The following KCNIP4 variants were observed in gnomAD, a reference collection of about 807,000 sequenced individuals.
KCNIP4 encodes Kv channel-interacting protein 4.
KCNIP4 carries 12 observed loss-of-function variants against 34.0 expected under a neutral mutation model. That is an observed-to-expected ratio of 0.35 (90% CI 0.23 to 0.57). The LOEUF (loss-of-function observed/expected upper bound fraction) is 0.57, where lower values mean the gene tolerates loss of function less well. Ranked by LOEUF, KCNIP4 falls within the 20% of genes least tolerant of loss-of-function variation. The pLI is 0.83. For missense variants in KCNIP4, 238 were observed against 311.7 expected (o/e 0.76, Z 1.78); for synonymous variants, 124 against 102.2 (o/e 1.21, Z -1.29).
At chr4:20,889,760 G>T (rs1725706702) in intron 1 of KCNIP4, among the ~76,000 whole-genome samples, 1 of 134,356 alleles carries the variant, frequency 7.4e-6, no homozygotes, top group African/African-American at 2.9e-5. Context: ...AATAAAAACT[G>T]GAAGTTCAAA....
intron 1 of KCNIP4, among the ~76,000 whole-genome samples, chr4:21,294,310 C>G (rs888588763): frequency 2.6e-5 from 4 of 152,064 alleles, no homozygotes; most frequent in African/African-American, 7.2e-5. Flanking sequence ...CATTATGTAC[C>G]TTCAACAACA....
chr4:21,850,866 A>G (rs1269249139), intron 1 of KCNIP4: 3 of 152,034 alleles, frequency 2.0e-5, no homozygotes, highest in African/African-American at 7.2e-5. Context: ...TCCCTCATTA[A>G]CCGTGCACTC....
At chr4:21,624,362 A>G (rs1174064646) in intron 1 of KCNIP4, among the ~76,000 whole-genome samples, 1 of 152,178 alleles carries the variant, frequency 6.6e-6, no homozygotes, top group Non-Finnish European at 1.5e-5. Context: ...AAACTACAGT[A>G]TTACCAGTCA....
At chr4:21,086,443 A>C (rs1746439492) in intron 1 of KCNIP4, among the ~76,000 whole-genome samples, 1 of 152,206 alleles carries the variant, frequency 6.6e-6, no homozygotes, top group South Asian at 2.1e-4. Context: ...TTTTTAAATA[A>C]AATTTAAAAT....
At chr4:20,961,815 A>G (rs1406349409) in intron 1 of KCNIP4, among the ~76,000 whole-genome samples, 1 of 152,264 alleles carries the variant, frequency 6.6e-6, no homozygotes, top group East Asian at 1.9e-4. Context: ...ATAAAGAGAT[A>G]CTAATGCACT....
intron 1 of KCNIP4, among the ~76,000 whole-genome samples, chr4:21,689,757 A>G (rs1751108310): frequency 6.6e-6 from 1 of 152,164 alleles, no homozygotes. Context: ...ATGCTCCCTT[A>G]TGCCAAACCT....
intron 1 of KCNIP4, among the ~76,000 whole-genome samples, chr4:21,776,985 C>T (rs1719223943): frequency 6.6e-6 from 1 of 152,110 alleles, no homozygotes; most frequent in African/African-American, 2.4e-5. Flanking sequence ...ATTGGCCAGG[C>T]TGGTCTTGAA....
At chr4:20,853,631 A>C (rs1019258722) in intron 2 of KCNIP4, among the ~76,000 whole-genome samples, 3 of 152,178 alleles carry the variant, frequency 2.0e-5, no homozygotes, top group Admixed American at 1.3e-4. Context: ...AAGCAATAAA[A>C]ACAAAGATAA....
At chr4:21,852,805 T>C (rs1316002132) in intron 1 of KCNIP4, 1 of 152,222 alleles carries the variant, frequency 6.6e-6, no homozygotes, top group South Asian at 2.1e-4. Flanking sequence ...AGTTTTACTG[T>C]AGACTTTTGC....
At chr4:21,072,244 T>C (rs910762706) in intron 1 of KCNIP4, among the ~76,000 whole-genome samples, 1 of 152,180 alleles carries the variant, frequency 6.6e-6, no homozygotes, top group African/African-American at 2.4e-5. Flanking sequence ...GTTGAACTAG[T>C]TTACAGTCCC....
chr4:21,568,746 C>T (rs1407363686), intron 1 of KCNIP4, among the ~76,000 whole-genome samples: 2 of 152,114 alleles, frequency 1.3e-5, no homozygotes, highest in African/African-American at 4.8e-5. Flanking sequence ...GGCTTCCCAA[C>T]TTTTGAGTTG....
rs762082957 is a variant in KCNIP4 at position 21,380,841 on chromosome 4, C to CAA, written c.62-498133_62-498132insTT. On this transcript the variant is annotated intron_variant, in intron 1 of 8. Transcript: ENST00000382152. ...AGATACACTATATTTCCATTGGTGA[C>CAA]ACACACACACACACACACGAATTGG... Among the ~76,000 whole-genome samples, 594 of 150,274 alleles carry CAA rather than the reference C, an allele frequency of 4.0e-3. 6 individuals are homozygous for CAA. The highest frequency in any genetic ancestry group is 3.4e-3 in the South Asian group (16 of 4,762).
intron 1 of KCNIP4, among the ~76,000 whole-genome samples, chr4:21,694,927 AAAATAAAAATAAATAAAT>A (rs1317705886): frequency 9.8e-6 from 1 of 102,208 alleles, no homozygotes; most frequent in African/African-American, 3.9e-5. Flanking sequence ...AAAAAAAAAA[AAAATAAAAATAAATAAAT>A]AAATAAAGGG....
intron 1 of KCNIP4, among the ~76,000 whole-genome samples, chr4:21,637,474 C>T (rs1746276951): frequency 2.0e-5 from 3 of 152,006 alleles, no homozygotes; most frequent in South Asian, 2.1e-4. Flanking sequence ...TAATATTTTA[C>T]TCACTTAAAA....
chr4:20,992,008 C>A (rs1300019388), intron 1 of KCNIP4, among the ~76,000 whole-genome samples: 2 of 152,198 alleles, frequency 1.3e-5, no homozygotes, highest in Non-Finnish European at 2.9e-5. Flanking sequence ...GAAACAGAAC[C>A]CAGCAGGCTT....
chr4:21,548,302 T>A (rs993525074), intron 1 of KCNIP4, among the ~76,000 whole-genome samples: 2 of 152,094 alleles, frequency 1.3e-5, no homozygotes, highest in Non-Finnish European at 2.9e-5. Flanking sequence ...TGATTTCTTT[T>A]GTTAAATAAA....
chr4:21,846,357 C>A (rs1180864207), intron 1 of KCNIP4: 1 of 151,992 alleles, frequency 6.6e-6, no homozygotes, highest in Non-Finnish European at 1.5e-5. Flanking sequence ...AGGGGATATA[C>A]ACAAAGAGAG....
At chr4:20,987,377 T>A (rs949175484) in intron 1 of KCNIP4, among the ~76,000 whole-genome samples, 1 of 151,410 alleles carries the variant, frequency 6.6e-6, no homozygotes, top group Non-Finnish European at 1.5e-5. Context: ...TACATTGTAA[T>A]GAGTCCTCCA....
At chr4:21,226,851 G>A (rs1396114406) in intron 1 of KCNIP4, among the ~76,000 whole-genome samples, 1 of 149,452 alleles carries the variant, frequency 6.7e-6, no homozygotes, top group Non-Finnish European at 1.5e-5. Flanking sequence ...AGCTGACTGT[G>A]TGAATTTGAA....
Sources: gnomAD v4.1 joint callset for allele counts (sites outside exome capture counted in the v4.1 genomes callset) on GRCh38, gnomAD v4.1.1 for gene constraint, MANE v1.5 for transcripts, NCBI Gene and HGNC (gene_info 2026-07-23, HGNC 2026-07-21) for gene names.